DAB1: variants seen among roughly 807,000 people sequenced by gnomAD.
DAB1 encodes the protein disabled homolog 1.
Under a neutral mutation model 64.6 loss-of-function variants are expected in DAB1, and 15 were observed. The ratio of observed to expected loss-of-function variants is 0.23; its 90% CI spans 0.16 to 0.36. The LOEUF (loss-of-function observed/expected upper bound fraction) is 0.36. Among genes scored for constraint, DAB1 ranks in the 10% least tolerant of loss-of-function variants. The pLI is 1.00. For synonymous variants in DAB1, 235 were observed against 251.9 expected, an observed-to-expected ratio of 0.93 and a Z score of 0.64; for missense variants, 596 against 706.7, an observed-to-expected ratio of 0.84 and a Z score of 1.78.
intron 7 of DAB1, among the ~76,000 whole-genome samples, chr1:57,580,107 C>A (rs1330400369): frequency 6.6e-6 from 1 of 152,080 alleles, no homozygotes; most frequent in Non-Finnish European, 1.5e-5. Context: ...TTGTCTGACA[C>A]CTGGCCCTGG....
rs1031056388 is a variant in DAB1 at position 57,747,353 on chromosome 1, C to T, written n.552-97688G>A. On this transcript the variant is annotated intron_variant and non_coding_transcript_variant, in intron 6 of 20. Transcript: ENST00000485760. ...ACTTTCTTGCATGTATTTTATTCTA[C>T]CTGAGGGGTACTTAGGACAAAGCTT... 1.6e-4 allele frequency among the ~76,000 whole-genome samples: 24 copies of T among 152,084 alleles called. No individual in the cohort carries two copies. The East Asian group carries it at 4.2e-3, about 27-fold the overall frequency.
intron 1 of DAB1, among the ~76,000 whole-genome samples, chr1:57,309,095 A>G (rs940294232): frequency 2.6e-5 from 4 of 152,150 alleles, no homozygotes; most frequent in Non-Finnish European, 5.9e-5. Flanking sequence ...AGTGTATTTT[A>G]TGTGTGGTCC....
chr1:58,084,577 TCA>T lies in DAB1; in HGVS notation n.387+65932_387+65933del, dbSNP rs146662295. 1.9e-3 allele frequency: 331 copies of T among 175,658 alleles called. 2 individuals are homozygous for T. The highest frequency in any genetic ancestry group is 7.1e-3 in the African/African-American group (304 of 42,768). 10.9% of individuals were successfully genotyped at this position (175,658 alleles called of 1,614,324 possible). A position where few individuals can be genotyped will look rare whatever the true frequency, so the allele number is the denominator to read the frequency against. On this transcript the variant is annotated intron_variant and non_coding_transcript_variant, in intron 5 of 20. Coordinates refer to the DAB1 transcript ENST00000485760. ...GAAGCTGGGAACTGGAACCATTCTC[TCA>T]GAGTATGTGCGGTGGTAAGGGACAG...
chr1:58,302,701 A>G (rs896369819), intron 4 of DAB1, among the ~76,000 whole-genome samples: 9 of 152,140 alleles, frequency 5.9e-5, no homozygotes, highest in Admixed American at 1.3e-4. Flanking sequence ...TGAGACTATA[A>G]TAATAAAAGT....
In DAB1 at chr1:58,357,262, T is replaced by C. The variant is rs564519591; in HGVS notation, n.258-13859A>G. ...CTCTAGCAGTGAGAACAGAGGGAAA[T>C]GGGAAAACTGATAGAGTCAGAGGAA... On this transcript the variant is annotated intron_variant and non_coding_transcript_variant, in intron 3 of 20. Transcript: ENST00000485760. Among the ~76,000 whole-genome samples the C allele has an allele frequency of 2.6e-5, 4 of 151,772 alleles. No individual in the cohort carries two copies. In the East Asian group the frequency reaches 7.8e-4, roughly 29 times the overall value.
intron 3 of DAB1, among the ~76,000 whole-genome samples, chr1:58,406,564 C>T (rs1432633900): frequency 6.6e-6 from 1 of 152,158 alleles, no homozygotes; most frequent in Non-Finnish European, 1.5e-5. Flanking sequence ...GGGATAATTG[C>T]ACTAGAAATA....
chr1:57,156,555 C>A (rs1660241883), intron 2 of DAB1, among the ~76,000 whole-genome samples: 1 of 152,136 alleles, frequency 6.6e-6, no homozygotes, highest in African/African-American at 2.4e-5. Flanking sequence ...GGGTAATGGA[C>A]TCCAGGAGTC....
At chr1:58,298,927 A>G (rs1406714902) in intron 4 of DAB1, among the ~76,000 whole-genome samples, 1 of 152,226 alleles carries the variant, frequency 6.6e-6, no homozygotes, top group African/African-American at 2.4e-5. Context: ...CAGTATAATT[A>G]CTTCTCTCTT....
intron 1 of DAB1, among the ~76,000 whole-genome samples, chr1:57,327,700 C>G (rs1280430772): frequency 6.6e-6 from 1 of 152,100 alleles, no homozygotes; most frequent in Non-Finnish European, 1.5e-5. Flanking sequence ...GCAATGCTTG[C>G]CAGGAAACTT....
intron 7 of DAB1, among the ~76,000 whole-genome samples, chr1:57,608,251 A>G (rs1275797621): frequency 6.6e-6 from 1 of 152,184 alleles, no homozygotes; most frequent in Non-Finnish European, 1.5e-5. Flanking sequence ...ACACACATAC[A>G]CAATGTAACC....
At chr1:58,196,419 G>A (rs1258202894) in intron 4 of DAB1, among the ~76,000 whole-genome samples, 1 of 152,232 alleles carries the variant, frequency 6.6e-6, no homozygotes, top group African/African-American at 2.4e-5. Context: ...AAAACAGCAA[G>A]ATGACAAATA....
chr1:57,047,757 C>T (rs1263393149), intron 9 of DAB1, among the ~76,000 whole-genome samples: 3 of 152,172 alleles, frequency 2.0e-5, no homozygotes, highest in Non-Finnish European at 2.9e-5. Flanking sequence ...CCTGCAGCTT[C>T]GGCCCCATCC....
intron 2 of DAB1, among the ~76,000 whole-genome samples, chr1:57,275,051 T>G (rs1442361649): frequency 2.0e-5 from 3 of 152,176 alleles, no homozygotes; most frequent in Non-Finnish European, 2.9e-5. Flanking sequence ...TCCAAGATCT[T>G]TATTGCATTT....
upstream of DAB1, among the ~76,000 whole-genome samples, chr1:57,425,757 C>T (rs1685261198): frequency 6.6e-6 from 1 of 152,170 alleles, no homozygotes; most frequent in African/African-American, 2.4e-5. Context: ...TCGGTTTCTA[C>T]CTACTTCCAG....
intron 8 of DAB1, among the ~76,000 whole-genome samples, chr1:57,068,487 A>G (rs1651142439): frequency 6.6e-6 from 1 of 152,242 alleles, no homozygotes; most frequent in South Asian, 2.1e-4. Flanking sequence ...CTTTTATTAC[A>G]CAAGTAATAC....
At chr1:58,040,716 A>G (rs1426725658) in intron 5 of DAB1, among the ~76,000 whole-genome samples, 1 of 152,232 alleles carries the variant, frequency 6.6e-6, no homozygotes, top group Non-Finnish European at 1.5e-5. Context: ...TTCTATTTGA[A>G]TGTACAGAAA....
At chr1:57,882,038 G>A (rs539133076) in intron 1 of DAB1, among the ~76,000 whole-genome samples, 13 of 152,244 alleles carry the variant, frequency 8.5e-5, no homozygotes, top group Admixed American at 3.3e-4. Context: ...CTCCAAGAGC[G>A]TTCTTTGATA....
chr1:57,720,515 A>G (rs1016531061), intron 6 of DAB1, among the ~76,000 whole-genome samples: 2 of 152,254 alleles, frequency 1.3e-5, no homozygotes, highest in African/African-American at 4.8e-5. Context: ...GAAGACCAAA[A>G]GACTGTAATC....
intron 6 of DAB1, among the ~76,000 whole-genome samples, chr1:57,706,247 CTCTCTTTCTCTACTTTTTT>C (rs1646965814): frequency 6.6e-6 from 1 of 151,924 alleles, no homozygotes; most frequent in Non-Finnish European, 1.5e-5. Context: ...TTCCCTCCTT[CTCTCTTTCTCTACTTTTTT>C]TCTCTTTCTC....
Sources: gnomAD v4.1 joint callset for allele counts (sites outside exome capture counted in the v4.1 genomes callset) on GRCh38, gnomAD v4.1.1 for gene constraint, MANE v1.5 for transcripts, NCBI Gene and HGNC (gene_info 2026-07-23, HGNC 2026-07-21) for gene names.